RAB36: variants seen among roughly 807,000 people sequenced by gnomAD.
RAB36 encodes the protein RAB36, member RAS oncogene family.
RAB36 carries 33 observed loss-of-function variants against 39.3 expected under a neutral mutation model. That is an observed-to-expected ratio of 0.84 (90% CI 0.64 to 1.12). RAB36 has a LOEUF of 1.12. Ranked by LOEUF, RAB36 falls within the 50% of genes most tolerant of loss-of-function variation. The probability of loss-of-function intolerance (pLI) is 0.00; values close to 1 mark genes in which losing one functional copy is unlikely to be tolerated. For missense variants in RAB36, 308 were observed against 355.3 expected (o/e 0.87, Z 1.07); for synonymous variants, 133 against 140.2 (o/e 0.95, Z 0.36).
rs554725316 is a variant in RAB36 at position 23,152,891 on chromosome 22, T to C, written c.228-142T>C. 1.5e-5 allele frequency: 10 copies of C among 668,680 alleles called. 1 individual carries two copies. The highest frequency in any genetic ancestry group is 5.4e-5 in the African/African-American group (3 of 55,980). 41.4% of individuals were successfully genotyped at this position (668,680 alleles called of 1,614,324 possible). On this transcript the variant is annotated intron_variant, in intron 4 of 10. Transcript: ENST00000263116. ...CCCACATTGTCCTTGCTGGCTGCCC[T>C]GCCCACCCATGGCCTGCGTGGACCA...
chr22:23,161,964 G>T lies in RAB36; in HGVS notation c.*400G>T, dbSNP rs1447459037. On this transcript the variant is annotated 3_prime_UTR_variant, in exon 11 of 11. Coordinates refer to ENST00000263116, the MANE Select transcript of RAB36 (RefSeq NM_004914.5). Reference sequence around the variant, plus strand: ...GCAGTCAACCCTGCACTCTTTCCCAGCGATCTTGGATGTGTCCCCAGGATC... The same window carrying T: ...GCAGTCAACCCTGCACTCTTTCCCATCGATCTTGGATGTGTCCCCAGGATC... The T allele has an allele frequency of 5.4e-6, 1 of 183,518 alleles. No homozygotes were observed. Among genetic ancestry groups the T allele is most frequent in the African/African-American group, 2.4e-5 (1 of 41,992 alleles). 11.4% of individuals were successfully genotyped at this position (183,518 alleles called of 1,614,324 possible). A position where few individuals can be genotyped will look rare whatever the true frequency, so the allele number is the denominator to read the frequency against.
chr22:23,145,614 C>A, intron 1 of RAB36, 63 bp downstream of exon 1: 2 of 1,521,880 alleles, frequency 1.3e-6, no homozygotes, highest in Admixed American at 1.8e-5. Context: ...TGGCACATCC[C>A]GAGGCCAGGG....
intron 4 of RAB36, among the ~76,000 whole-genome samples, chr22:23,152,746 C>T (rs1330342715): frequency 6.6e-6 from 1 of 152,202 alleles, no homozygotes; most frequent in East Asian, 1.9e-4. Context: ...TGGCGCTTGT[C>T]AGACTGTCCC....
chr22:23,161,037 C>A, intron 10 of RAB36, 39 bp downstream of exon 10: 1 of 1,559,866 alleles, frequency 6.4e-7, no homozygotes, highest in South Asian at 1.2e-5. Context: ...GGGGAGTAGG[C>A]TGGAGGCCTA....
In RAB36 at chr22:23,152,568, C is replaced by T. The variant is rs1871243864; in HGVS notation, c.227+42C>T. The T allele has an allele frequency of 1.9e-6, 3 of 1,586,168 alleles. No homozygotes were observed. In the African/African-American group the frequency reaches 4.0e-5, roughly 21 times the overall value. ...GCCCCTTTGGCCACCTCCCCCAGCACCAGGTTGTCATACCTTTGCCTGGGT... is the reference window on the plus strand; with the variant it reads ...GCCCCTTTGGCCACCTCCCCCAGCATCAGGTTGTCATACCTTTGCCTGGGT... On this transcript the variant is annotated intron_variant, in intron 4 of 10. Coordinates refer to ENST00000263116, the MANE Select transcript of RAB36 (RefSeq NM_004914.5).
rs930739341 is a variant in RAB36, at chr22:23,165,249, C to G, written c.*3685C>G. 4.6e-5 allele frequency among the ~76,000 whole-genome samples: 7 copies of G among 152,222 alleles called. No individual in the cohort carries two copies. The highest frequency in any genetic ancestry group is 8.8e-5 in the Non-Finnish European group (6 of 68,050). On this transcript the variant is annotated 3_prime_UTR_variant, in exon 11 of 11. Coordinates refer to ENST00000263116, the MANE Select transcript of RAB36 (RefSeq NM_004914.5). ...TGCTCAAACAAGACCATGTTCCCAG[C>G]AGACAGATTGCACTCTGACCCAGAT... is the stretch of plus-strand genomic sequence containing the variant.
chr22:23,152,866 C>G (rs779051635), intron 4 of RAB36, among the ~76,000 whole-genome samples, 167 bp from the exon 5 acceptor site: 2 of 152,236 alleles, frequency 1.3e-5, no homozygotes, highest in Non-Finnish European at 2.9e-5. Flanking sequence ...CCTCCCTTTC[C>G]CCACATTGTC....
At chr22:23,166,786 C>T (rs921841215), downstream of RAB36, among the ~76,000 whole-genome samples, 1 of 152,174 alleles carries the variant, frequency 6.6e-6, no homozygotes, top group Non-Finnish European at 1.5e-5. Context: ...ACCCCTGACC[C>T]CAGCAGGCAC....
intron 9 of RAB36, among the ~76,000 whole-genome samples, 196 bp downstream of exon 9, chr22:23,159,449 C>T (rs1267966377): frequency 6.6e-6 from 1 of 152,260 alleles, no homozygotes; most frequent in African/African-American, 2.4e-5. Flanking sequence ...TGCGTCATCT[C>T]TAGAAGGAAG....
At chr22:23,151,264 C>T (rs1262519200) in intron 3 of RAB36, among the ~76,000 whole-genome samples, 1 of 152,250 alleles carries the variant, frequency 6.6e-6, no homozygotes, top group African/African-American at 2.4e-5. Context: ...GTGCTTCACA[C>T]AGATGATCTC....
In RAB36 at chr22:23,165,006, C is replaced by T. The variant is rs1271654941; in HGVS notation, c.*3442C>T. 6.6e-6 allele frequency among the ~76,000 whole-genome samples: 1 copy of T among 152,050 alleles called. No homozygotes were observed. The highest frequency in any genetic ancestry group is 1.9e-4 in the East Asian group (1 of 5,190). On this transcript the variant is annotated 3_prime_UTR_variant, in exon 11 of 11. Coordinates refer to ENST00000263116, the MANE Select transcript of RAB36 (RefSeq NM_004914.5). Reference sequence around the variant, plus strand: ...CCCAACGGCTGGGACACCCCTACTCCCAGAGAGGCCTCTGTGGACACCCCC... The same window carrying T: ...CCCAACGGCTGGGACACCCCTACTCTCAGAGAGGCCTCTGTGGACACCCCC...
chr22:23,152,787 C>T (rs2071233354), intron 4 of RAB36, among the ~76,000 whole-genome samples: 1 of 152,154 alleles, frequency 6.6e-6, no homozygotes, highest in African/African-American at 2.4e-5. Flanking sequence ...CCTCCACTGC[C>T]CTCCCTGCAA....
At chr22:23,160,693 C>T (rs2071729910) in intron 9 of RAB36, among the ~76,000 whole-genome samples, 186 bp from the exon 10 acceptor site, 1 of 152,114 alleles carries the variant, frequency 6.6e-6, no homozygotes, top group South Asian at 2.1e-4. Flanking sequence ...GGACCCTGCC[C>T]CTGGCACTGT....
At chr22:23,149,946 G>A (rs2071006422) in intron 2 of RAB36, 117 bp from the exon 3 acceptor site, 3 of 783,820 alleles carry the variant, frequency 3.8e-6, no homozygotes, top group Non-Finnish European at 4.4e-6. Context: ...TAATGAGGCT[G>A]CCAGCTGTGA....
intron 6 of RAB36, 30 bp from the exon 7 acceptor site, chr22:23,157,962 A>T (rs780209212): frequency 6.2e-6 from 10 of 1,613,984 alleles, no homozygotes; most frequent in Non-Finnish European, 4.2e-6. Context: ...CCTGGCACTG[A>T]TTGGCTGTTG....
rs1348053945 is a variant in RAB36, at chr22:23,161,593, C to T, written c.*29C>T. ...GGGCCTGCGTGGAAGGCCTCCGCTC[C>T]CTGCACACACACGGACAGGAATTTC... On this transcript the variant is annotated 3_prime_UTR_variant, in exon 11 of 11. Transcript: ENST00000263116. 7 of 1,544,394 alleles carry T rather than the reference C, an allele frequency of 4.5e-6. No homozygotes were observed. The East Asian group carries it at 1.6e-4, about 35-fold the overall frequency.
intron 6 of RAB36, among the ~76,000 whole-genome samples, chr22:23,157,276 A>G (rs1306559231): frequency 1.3e-5 from 2 of 149,942 alleles, no homozygotes; most frequent in South Asian, 2.1e-4. Context: ...TTTGAGCCTG[A>G]GTCTCGCTTT....
At chr22:23,155,243 C>A (rs2071388610) in intron 5 of RAB36, among the ~76,000 whole-genome samples, 1 of 152,196 alleles carries the variant, frequency 6.6e-6, no homozygotes, top group Non-Finnish European at 1.5e-5. Context: ...GATTGGGGAA[C>A]AATTTTCCGA....
intron 2 of RAB36, among the ~76,000 whole-genome samples, chr22:23,147,091 C>T (rs1044707275): frequency 6.6e-6 from 1 of 152,156 alleles, no homozygotes; most frequent in African/African-American, 2.4e-5. Flanking sequence ...TGCTGTTGTT[C>T]TCATCATCGT....
Sources: allele counts gnomAD v4.1 joint callset (sites outside exome capture counted in the v4.1 genomes callset), GRCh38; gene constraint gnomAD v4.1.1; transcripts MANE v1.5; gene names NCBI Gene and HGNC (gene_info 2026-07-23, HGNC 2026-07-21).